Variants in SCHIP1 observed in about 807,000 individuals in gnomAD.
SCHIP1 encodes schwannomin interacting protein 1, also known as schwannomin-interacting protein 1.
Under a neutral mutation model 29.7 loss-of-function variants are expected in SCHIP1, and 8 were observed. That is an observed-to-expected ratio of 0.27 (90% CI 0.16 to 0.49). The LOEUF is 0.49. Ranked by LOEUF, SCHIP1 falls within the 20% of genes least tolerant of loss-of-function variation. SCHIP1 has a pLI of 0.99. For synonymous variants in SCHIP1, 76 were observed against 94.9 expected, an observed-to-expected ratio of 0.80 and a Z score of 1.16; for missense variants, 193 against 294.6, an observed-to-expected ratio of 0.66 and a Z score of 2.52.
the SCHIP1 span, among the ~76,000 whole-genome samples, chr3:159,418,220 T>C: frequency 1.3e-5 from 2 of 152,236 alleles, no homozygotes; most frequent in African/African-American, 4.8e-5. Flanking sequence ...GTAAGTGCTC[T>C]GATTTAGTTA....
the SCHIP1 span, among the ~76,000 whole-genome samples, chr3:159,486,476 T>G: frequency 1.3e-5 from 2 of 152,232 alleles, no homozygotes; most frequent in Non-Finnish European, 2.9e-5. Context: ...TTTCCTTCTT[T>G]TTAAGATTAA....
chr3:159,300,447 A>C, the SCHIP1 span, among the ~76,000 whole-genome samples: 1 of 152,120 alleles, frequency 6.6e-6, no homozygotes, highest in Non-Finnish European at 1.5e-5. Context: ...GCTACGTTCA[A>C]AAAGCACCAG....
the SCHIP1 span, among the ~76,000 whole-genome samples, chr3:159,602,152 A>G: frequency 6.6e-6 from 1 of 152,104 alleles, no homozygotes; most frequent in Admixed American, 6.5e-5. Flanking sequence ...AAGCCCTCTC[A>G]CTTAATCTTT....
chr3:159,803,207 AG>A, the SCHIP1 span, among the ~76,000 whole-genome samples: 1 of 152,090 alleles, frequency 6.6e-6, no homozygotes, highest in African/African-American at 2.4e-5. Flanking sequence ...TGCAAAGGGC[AG>A]GGGGAGTTCT....
chr3:159,740,568 T>C, the SCHIP1 span, among the ~76,000 whole-genome samples: 2 of 151,880 alleles, frequency 1.3e-5, no homozygotes, highest in African/African-American at 2.4e-5. Flanking sequence ...AAAAATCCAA[T>C]GAAATCTTCT....
chr3:159,540,251 A>G, the SCHIP1 span, among the ~76,000 whole-genome samples: 1 of 152,084 alleles, frequency 6.6e-6, no homozygotes, highest in Non-Finnish European at 1.5e-5. Context: ...ATTTATCTCA[A>G]ACAGGCTCAG....
At chr3:159,497,251 TA>T in the SCHIP1 span, among the ~76,000 whole-genome samples, 990 of 145,572 alleles carry the variant, frequency 6.8e-3, 10 homozygotes, top group African/African-American at 0.023. Flanking sequence ...AGTATAATAA[TA>T]AAAAAAAAAG....
the SCHIP1 span, among the ~76,000 whole-genome samples, chr3:159,459,263 T>C: frequency 1.5e-3 from 230 of 152,226 alleles, no homozygotes; most frequent in Middle Eastern, 3.4e-3. Flanking sequence ...GGTTTTATAA[T>C]GCTGGGATCA....
the SCHIP1 span, among the ~76,000 whole-genome samples, chr3:159,694,110 T>TCTACTTAACATTTAAGCTTGGAATA: frequency 5.3e-5 from 8 of 152,206 alleles, no homozygotes; most frequent in African/African-American, 1.7e-4. Flanking sequence ...CATATCATGA[T>TCTACTTAACATTTAAGCTTGGAATA]CTACTTAACA....
chr3:159,378,654 C>T, the SCHIP1 span, among the ~76,000 whole-genome samples: 8 of 152,294 alleles, frequency 5.3e-5, no homozygotes, highest in African/African-American at 1.9e-4. Flanking sequence ...GTATAGCACT[C>T]TCAGGAAGCC....
the SCHIP1 span, among the ~76,000 whole-genome samples, chr3:159,797,842 A>G: frequency 5.3e-5 from 8 of 152,210 alleles, no homozygotes; most frequent in Non-Finnish European, 1.2e-4. Flanking sequence ...GAGTATTCCA[A>G]TAAGCTGAGC....
chr3:159,648,768 T>C, the SCHIP1 span, among the ~76,000 whole-genome samples: 1 of 151,950 alleles, frequency 6.6e-6, no homozygotes, highest in Non-Finnish European at 1.5e-5. Context: ...GTTCTAGCTG[T>C]GGCGGGCCCC....
chr3:159,734,787 C>CTTTTTTTTTTTTTTTTTTT, the SCHIP1 span, among the ~76,000 whole-genome samples: 2 of 110,504 alleles, frequency 1.8e-5, no homozygotes, highest in African/African-American at 3.4e-5. Context: ...CTTTTCTTGT[C>CTTTTTTTTTTTTTTTTTTT]TTTTTTTTTT....
chr3:159,690,896 T>C, the SCHIP1 span, among the ~76,000 whole-genome samples: 1 of 152,212 alleles, frequency 6.6e-6, no homozygotes, highest in African/African-American at 2.4e-5. Flanking sequence ...TTCCATTTAG[T>C]TGTGCAGTTT....
chr3:159,587,536 T>C, the SCHIP1 span, among the ~76,000 whole-genome samples: 3 of 152,206 alleles, frequency 2.0e-5, no homozygotes, highest in Non-Finnish European at 4.4e-5. Context: ...TTGTTACATA[T>C]GTATACATGT....
chr3:159,681,382 A>C, the SCHIP1 span, among the ~76,000 whole-genome samples: 11 of 152,144 alleles, frequency 7.2e-5, no homozygotes, highest in Non-Finnish European at 1.5e-5. Flanking sequence ...AACTAACATC[A>C]TCACAAGTAA....
At chr3:159,868,363 C>T (rs186106428) in intron 2 of SCHIP1, among the ~76,000 whole-genome samples, 1 of 152,174 alleles carries the variant, frequency 6.6e-6, no homozygotes, top group African/African-American at 2.4e-5. Flanking sequence ...CATCAGACTA[C>T]CTGCTATAAA....
At chr3:159,732,458 G>A in the SCHIP1 span, among the ~76,000 whole-genome samples, 1 of 152,184 alleles carries the variant, frequency 6.6e-6, no homozygotes, top group Non-Finnish European at 1.5e-5. Context: ...CTCTATAATC[G>A]TTCTCATGGC....
chr3:159,609,243 A>G, the SCHIP1 span, among the ~76,000 whole-genome samples: 10 of 152,280 alleles, frequency 6.6e-5, no homozygotes, highest in African/African-American at 2.2e-4. Flanking sequence ...GGAGGAACCA[A>G]CTAGGTGGGT....
Sources: allele counts gnomAD v4.1 joint callset (sites outside exome capture counted in the v4.1 genomes callset), GRCh38; gene constraint gnomAD v4.1.1; transcripts MANE v1.5; gene names NCBI Gene and HGNC (gene_info 2026-07-23, HGNC 2026-07-21).